RYR2: variants seen among roughly 807,000 people sequenced by gnomAD.
RYR2 encodes cardiac muscle ryanodine receptor-calcium release channel.
RYR2 carries 227 observed loss-of-function variants against 601.1 expected under a neutral mutation model. That is an observed-to-expected ratio of 0.38 (90% CI 0.34 to 0.42). The LOEUF is 0.42. Ranked by LOEUF, RYR2 falls within the 10% of genes least tolerant of loss-of-function variation. RYR2 has a pLI of 1.00. For missense variants in RYR2, 4,646 were observed against 6,156.5 expected (o/e 0.75, Z 8.21); for synonymous variants, 2,223 against 2,175.1 (o/e 1.02, Z -0.61).
chr1:237,608,036 T>C (rs1254695700), intron 35 of RYR2, among the ~76,000 whole-genome samples: 1 of 152,178 alleles, frequency 6.6e-6, no homozygotes, highest in Non-Finnish European at 1.5e-5. Context: ...GTATACACCA[T>C]TGTGCTAAAA....
rs66912945 is a variant in RYR2, at chr1:237,469,258, C to CAAAA, written c.1708+89_1708+92dup. On this transcript the variant is annotated intron_variant, in intron 17 of 104. Coordinates refer to ENST00000366574, the MANE Select transcript of RYR2 (RefSeq NM_001035.3). ...TTTCTTTGCTTCGTATCCTTTAAGA[C>CAAAA]AAAAAAAAAAAAAAAAAAAAACAAC... is the stretch of plus-strand genomic sequence containing the variant. 0.011 allele frequency: 1,165 copies of CAAAA among 110,154 alleles called. 4 individuals are homozygous for CAAAA. The highest frequency in any genetic ancestry group is 0.013 in the Non-Finnish European group (797 of 60,824). The allele number at this position is 110,154 out of a possible 1,614,324, so 6.8% of individuals were successfully genotyped here.
intron 1 of RYR2, among the ~76,000 whole-genome samples, chr1:237,055,516 C>A (rs1045845136): frequency 6.6e-6 from 1 of 151,794 alleles, no homozygotes. Flanking sequence ...TAGAAAGGAG[C>A]GGGAGCTTTA....
intron 98 of RYR2, 155 bp downstream of exon 98, chr1:237,802,071 A>G (rs1273316638): frequency 1.3e-5 from 6 of 446,390 alleles, no homozygotes; most frequent in African/African-American, 5.9e-5. Flanking sequence ...GAATGATATG[A>G]TTAATGAGCC....
intron 2 of RYR2, among the ~76,000 whole-genome samples, chr1:237,296,394 A>C (rs771362979): frequency 1.1e-4 from 16 of 152,214 alleles, no homozygotes; most frequent in Non-Finnish European, 2.1e-4. Context: ...AGACAAGAGA[A>C]TGAAGTAACT....
At position 237,390,770 on chromosome 1, in the gene RYR2, C is replaced by G. The variant is rs548085570; in HGVS notation, c.773+2587C>G. ...CCCTTTGCATATATGTTGAAGCCTG[C>G]CCCTCCTTTCCAAATAGTCTTCTTG... is the stretch of plus-strand genomic sequence containing the variant. On this transcript the variant is annotated intron_variant, in intron 10 of 104. Transcript: ENST00000366574. 6.6e-5 allele frequency among the ~76,000 whole-genome samples: 10 copies of G among 152,204 alleles called. No individual in the cohort carries two copies. The East Asian group carries it at 1.9e-3, about 29-fold the overall frequency.
intron 1 of RYR2, among the ~76,000 whole-genome samples, chr1:237,263,544 A>T (rs551108435): frequency 6.6e-6 from 1 of 152,346 alleles, no homozygotes; most frequent in East Asian, 1.9e-4. Flanking sequence ...TTAAATATCA[A>T]CCAGGAAACT....
At chr1:237,603,450 G>A (rs1419073599) in intron 35 of RYR2, among the ~76,000 whole-genome samples, 4 of 152,118 alleles carry the variant, frequency 2.6e-5, no homozygotes, top group South Asian at 4.1e-4. Context: ...TGCTTCTGGC[G>A]CCAAGTGCCC....
At chr1:237,066,927 G>A (rs1188771065) in intron 1 of RYR2, among the ~76,000 whole-genome samples, 2 of 152,124 alleles carry the variant, frequency 1.3e-5, no homozygotes, top group African/African-American at 2.4e-5. Context: ...GTGAGCCACC[G>A]CGCCCGGCAT....
intron 16 of RYR2, among the ~76,000 whole-genome samples, chr1:237,467,131 GATA>G (rs1333460131): frequency 2.0e-5 from 3 of 148,018 alleles, no homozygotes; most frequent in African/African-American, 7.4e-5. Flanking sequence ...TAGATAATAT[GATA>G]ATGATATATG....
chr1:237,339,718 C>T (rs2185016), intron 3 of RYR2, among the ~76,000 whole-genome samples: 20,311 of 152,172 alleles, frequency 0.13, 1,564 homozygotes, highest in East Asian at 0.33. Context: ...TTGCCCTGTT[C>T]TGTGTTTGCT....
At chr1:237,111,633 T>G (rs1298291718) in intron 1 of RYR2, among the ~76,000 whole-genome samples, 4 of 148,200 alleles carry the variant, frequency 2.7e-5, no homozygotes, top group African/African-American at 7.5e-5. Flanking sequence ...AAGTTCTGAG[T>G]GTGAAGTGTG....
chr1:237,498,821 C>T (rs1275854266), intron 20 of RYR2, among the ~76,000 whole-genome samples: 1 of 151,948 alleles, frequency 6.6e-6, no homozygotes, highest in Non-Finnish European at 1.5e-5. Context: ...CCAGAAAGGA[C>T]GATAGGCAGT....
At chr1:237,663,800 G>A (rs979334967) in intron 56 of RYR2, among the ~76,000 whole-genome samples, 2 of 152,184 alleles carry the variant, frequency 1.3e-5, no homozygotes, top group Non-Finnish European at 2.9e-5. Context: ...AATACCACAG[G>A]AAGACATGAA....
chr1:237,045,734 A>G (rs1193431630), intron 1 of RYR2, among the ~76,000 whole-genome samples: 2 of 148,954 alleles, frequency 1.3e-5, no homozygotes, highest in East Asian at 3.9e-4. Context: ...TCAAACTGTC[A>G]TTTGGCATTT....
chr1:237,818,207 C>A (rs76868356), intron 100 of RYR2, among the ~76,000 whole-genome samples: 8,406 of 152,158 alleles, frequency 0.055, 745 homozygotes, highest in African/African-American at 0.19. Flanking sequence ...ATTTGCCACC[C>A]CCTGCCCCAG....
intron 1 of RYR2, among the ~76,000 whole-genome samples, chr1:237,109,610 C>T (rs1443048525): frequency 1.3e-5 from 2 of 152,140 alleles, no homozygotes. Context: ...TGGGCAGCAT[C>T]TCCTCTCTGC....
chr1:237,718,845 G>A (rs976030543), intron 73 of RYR2, among the ~76,000 whole-genome samples: 7 of 152,116 alleles, frequency 4.6e-5, no homozygotes, highest in Non-Finnish European at 7.4e-5. Context: ...TGTTACATAT[G>A]TATACATGTG....
intron 27 of RYR2, 86 bp from the exon 28 acceptor site, chr1:237,566,481 A>C: frequency 2.0e-5 from 26 of 1,287,396 alleles, no homozygotes; most frequent in South Asian, 2.8e-5. Context: ...GTCGTGATTT[A>C]TCTTTCCTTC....
intron 17 of RYR2, among the ~76,000 whole-genome samples, chr1:237,484,228 G>A (rs992053706): frequency 2.0e-5 from 3 of 152,178 alleles, no homozygotes; most frequent in Admixed American, 6.5e-5. Context: ...TCCCAGAGCA[G>A]AATCACACTC....
Sources: allele counts gnomAD v4.1 joint callset (sites outside exome capture counted in the v4.1 genomes callset), GRCh38; gene constraint gnomAD v4.1.1; transcripts MANE v1.5; gene names NCBI Gene and HGNC (gene_info 2026-07-23, HGNC 2026-07-21).